NFIB: variants seen among roughly 807,000 people sequenced by gnomAD.
NFIB encodes the protein nuclear factor I B.
NFIB carries 11 observed loss-of-function variants against 61.5 expected under a neutral mutation model. That is an observed-to-expected ratio of 0.18 (90% confidence interval 0.11 to 0.30). The LOEUF is 0.30. Ranked by LOEUF, NFIB falls within the 10% of genes least tolerant of loss-of-function variation. The pLI is 1.00. For missense variants in NFIB, 471 were observed against 608.9 expected, an observed-to-expected ratio of 0.77 and a Z score of 2.38; for synonymous variants, 260 against 216.5, an observed-to-expected ratio of 1.20 and a Z score of -1.76.
In NFIB at chr9:14,204,206, T is replaced by C. The variant is rs1320819193; in HGVS notation, c.563-24426A>G. 9.3e-6 allele frequency: 5 copies of C among 535,828 alleles called. No homozygotes were observed. In the East Asian group the frequency reaches 1.5e-4, roughly 16 times the overall value. The allele number at this position is 535,828 out of a possible 1,614,324, so 33.2% of individuals were successfully genotyped here. A position where few individuals can be genotyped will look rare whatever the true frequency, so the allele number is the denominator to read the frequency against. ...CCTTTCTATGGCACAGGCCTCAAAA[T>C]TTGAGGAATGATCTCTCTTTTCCCG... On this transcript the variant is annotated intron_variant, in intron 2 of 10. Transcript: ENST00000380953.
At chr9:14,105,026 T>C (rs1252433104) in intron 10 of NFIB, among the ~76,000 whole-genome samples, 2 of 152,152 alleles carry the variant, frequency 1.3e-5, no homozygotes, top group African/African-American at 4.8e-5. Context: ...GGACCACATC[T>C]CCTCAGAAGG....
At chr9:14,174,495 C>CGG (rs1197100236) in intron 3 of NFIB, among the ~76,000 whole-genome samples, 1 of 151,960 alleles carries the variant, frequency 6.6e-6, no homozygotes, top group African/African-American at 2.4e-5. Context: ...AGGCCGGGTG[C>CGG]GGTGGCTCAT....
In NFIB at chr9:14,225,389, G is replaced by A. The variant is rs1326877009; in HGVS notation, c.563-45609C>T. 3.4e-5 allele frequency among the ~76,000 whole-genome samples: 5 copies of A among 145,846 alleles called. No homozygotes were observed. In the South Asian group the frequency reaches 6.5e-4, roughly 19 times the overall value. ...GGAGAATGGCGTGAACCCGGGAGGC[G>A]GAGCTTGCAGTGAGCCGAGATCCCG... On this transcript the variant is annotated intron_variant, in intron 2 of 10. Transcript: ENST00000380953.
At chr9:14,175,730 A>G (rs1011641299) in intron 3 of NFIB, among the ~76,000 whole-genome samples, 4 of 152,202 alleles carry the variant, frequency 2.6e-5, no homozygotes, top group African/African-American at 9.6e-5. Flanking sequence ...TGTTAAGTCC[A>G]TGTTATTCCC....
chr9:14,453,975 G>C, the NFIB span, among the ~76,000 whole-genome samples: 1 of 152,072 alleles, frequency 6.6e-6, no homozygotes, highest in African/African-American at 2.4e-5. Flanking sequence ...CTACTCAGGA[G>C]GCTGAGGCAG....
chr9:14,427,098 TATC>T, the NFIB span, among the ~76,000 whole-genome samples: 1 of 152,206 alleles, frequency 6.6e-6, no homozygotes, highest in East Asian at 1.9e-4. Context: ...TGTGTACTCT[TATC>T]ATACTTGTAG....
the NFIB span, among the ~76,000 whole-genome samples, chr9:14,436,572 T>C: frequency 6.6e-6 from 1 of 152,214 alleles, no homozygotes; most frequent in South Asian, 2.1e-4. Context: ...CACTGTCTTC[T>C]TAGGATACGC....
At chr9:14,454,395 T>G in the NFIB span, among the ~76,000 whole-genome samples, 122,756 of 152,174 alleles carry the variant, frequency 0.81, 49,613 homozygotes, top group East Asian at 0.88. Context: ...ACATCCAAAA[T>G]GTTTGAATGA....
At chr9:14,150,355 G>T (rs1201486903) in intron 4 of NFIB, 90 bp from the exon 5 acceptor site, 49 of 1,577,938 alleles carry the variant, frequency 3.1e-5, no homozygotes, top group Non-Finnish European at 3.5e-5. Context: ...TCATGCCTCT[G>T]GTCAAAGATA....
At chr9:14,339,392 G>A (rs2060923925) in intron 1 of NFIB, among the ~76,000 whole-genome samples, 3 of 152,106 alleles carry the variant, frequency 2.0e-5, no homozygotes, top group South Asian at 4.1e-4. Flanking sequence ...AAAGAATGGC[G>A]ATTCTTTGAT....
At chr9:14,204,450 T>C (rs964880386) in intron 2 of NFIB, 3 of 1,071,848 alleles carry the variant, frequency 2.8e-6, no homozygotes, top group East Asian at 4.8e-5. Flanking sequence ...CGGCAGAGAG[T>C]CATCCTCTAT....
chr9:14,477,960 C>A, the NFIB span, among the ~76,000 whole-genome samples: 1 of 152,004 alleles, frequency 6.6e-6, no homozygotes, highest in Non-Finnish European at 1.5e-5. Flanking sequence ...TTGAACCACC[C>A]CACCCCCCAT....
intron 1 of NFIB, among the ~76,000 whole-genome samples, chr9:14,356,768 T>C (rs746571387): frequency 6.6e-6 from 1 of 152,184 alleles, no homozygotes; most frequent in Non-Finnish European, 1.5e-5. Context: ...TGAATAATGA[T>C]ACACTTCAGT....
intron 1 of NFIB, among the ~76,000 whole-genome samples, chr9:14,364,446 G>C (rs1267892865): frequency 6.6e-6 from 1 of 152,164 alleles, no homozygotes; most frequent in South Asian, 2.1e-4. Context: ...CTAGCGTCTG[G>C]CTGGATTTAT....
chr9:14,213,981 A>G (rs116544920), intron 2 of NFIB, among the ~76,000 whole-genome samples: 1,662 of 152,220 alleles, frequency 0.011, 29 homozygotes, highest in African/African-American at 0.038. Context: ...TTCACCTCAC[A>G]TCATTTTACT....
intron 2 of NFIB, among the ~76,000 whole-genome samples, chr9:14,256,543 A>G (rs2056237005): frequency 6.6e-6 from 1 of 152,206 alleles, no homozygotes; most frequent in Non-Finnish European, 1.5e-5. Context: ...AAGGAAGAGG[A>G]GTGAAATATA....
intron 3 of NFIB, among the ~76,000 whole-genome samples, chr9:14,168,031 A>C (rs2045104004): frequency 2.0e-5 from 3 of 152,198 alleles, no homozygotes; most frequent in Admixed American, 6.5e-5. Flanking sequence ...TAAGATGAGG[A>C]GTTCAGAAAA....
At chr9:14,381,122 A>T (rs1256210614) in intron 1 of NFIB, among the ~76,000 whole-genome samples, 3 of 148,800 alleles carry the variant, frequency 2.0e-5, no homozygotes, top group African/African-American at 7.4e-5. Flanking sequence ...GCCTATTTGT[A>T]TACCTTCTGT....
At position 14,275,639 on chromosome 9, in the gene NFIB, C is replaced by T. The variant is rs114707546; in HGVS notation, c.562+31350G>A. 3.6e-3 allele frequency among the ~76,000 whole-genome samples: 546 copies of T among 152,166 alleles called. 2 individuals carry two copies. The highest frequency in any genetic ancestry group is 0.013 in the African/African-American group (527 of 41,542). ...CATCTTAATTTCCTAGTTGTGAGTA[C>T]TTATCTAAAAGGACATGAGTATAAT... On this transcript the variant is annotated intron_variant, in intron 2 of 10. Coordinates refer to ENST00000380953, the MANE Select transcript of NFIB (RefSeq NM_001190737.2).
Sources: gnomAD v4.1 joint callset for allele counts (sites outside exome capture counted in the v4.1 genomes callset) on GRCh38, gnomAD v4.1.1 for gene constraint, MANE v1.5 for transcripts, NCBI Gene and HGNC (gene_info 2026-07-23, HGNC 2026-07-21) for gene names.